The following ERC2 variants were observed in gnomAD, a reference collection of about 807,000 sequenced individuals.
ERC2 encodes ERC protein 2.
A neutral mutation model predicts 114.8 loss-of-function variants in ERC2; 42 were observed. The ratio of observed to expected loss-of-function variants is 0.37; its 90% confidence interval spans 0.29 to 0.47. The LOEUF (loss-of-function observed/expected upper bound fraction) is 0.47. Ranked by LOEUF, ERC2 falls within the 20% of genes least tolerant of loss-of-function variation. The pLI is 0.99. For missense variants in ERC2, 939 were observed against 1,150.7 expected, an observed-to-expected ratio of 0.82 and a Z score of 2.66; for synonymous variants, 454 against 425.5, an observed-to-expected ratio of 1.07 and a Z score of -0.82.
At chr3:55,936,990 C>T (rs947024051) in intron 13 of ERC2, among the ~76,000 whole-genome samples, 7 of 152,158 alleles carry the variant, frequency 4.6e-5, no homozygotes, top group African/African-American at 1.4e-4. Flanking sequence ...GTGACAGCAT[C>T]GGGAGTCAAC....
intron 9 of ERC2, 51 bp downstream of exon 9, chr3:56,010,398 T>C (rs1462498030): frequency 1.9e-6 from 3 of 1,585,424 alleles, no homozygotes; most frequent in Middle Eastern, 1.8e-4. Context: ...CTTCATTGAA[T>C]ATGGGTTTAT....
chr3:55,570,831 T>C (rs1336690685), intron 17 of ERC2, among the ~76,000 whole-genome samples: 1 of 152,036 alleles, frequency 6.6e-6, no homozygotes, highest in Non-Finnish European at 1.5e-5. Flanking sequence ...TGACCAGCAT[T>C]AATAATGAGA....
intron 7 of ERC2, among the ~76,000 whole-genome samples, chr3:56,032,065 C>T (rs1457299807): frequency 2.0e-5 from 3 of 152,146 alleles, no homozygotes; most frequent in African/African-American, 4.8e-5. Flanking sequence ...CCACCTCCCT[C>T]TTCTCTCTCA....
intron 17 of ERC2, among the ~76,000 whole-genome samples, chr3:55,566,117 G>GTA (rs1485200350): frequency 6.6e-6 from 1 of 152,094 alleles, no homozygotes; most frequent in Non-Finnish European, 1.5e-5. Flanking sequence ...ACTTCCTATG[G>GTA]TATATCAAGA....
intron 14 of ERC2, among the ~76,000 whole-genome samples, chr3:55,857,396 T>A (rs967173915): frequency 6.6e-6 from 1 of 151,960 alleles, no homozygotes; most frequent in African/African-American, 2.4e-5. Flanking sequence ...CCCTGTATCA[T>A]TTTTTTTAAT....
chr3:55,715,796 GCTTT>G (rs2064086454), intron 15 of ERC2, among the ~76,000 whole-genome samples: 2 of 152,194 alleles, frequency 1.3e-5, no homozygotes, highest in South Asian at 4.1e-4. Context: ...AGACTCTGAA[GCTTT>G]ATAGGACATT....
At chr3:56,424,686 T>C (rs1176925259) in intron 2 of ERC2, among the ~76,000 whole-genome samples, 2 of 152,216 alleles carry the variant, frequency 1.3e-5, no homozygotes, top group East Asian at 1.9e-4. Context: ...TCCATCTAAG[T>C]AGGTCATCAT....
chr3:56,033,094 G>A (rs1160375158), intron 7 of ERC2, among the ~76,000 whole-genome samples: 3 of 133,214 alleles, frequency 2.3e-5, no homozygotes, highest in African/African-American at 5.7e-5. Context: ...GAAAAGTAAA[G>A]TAAAGTAAAA....
intron 17 of ERC2, among the ~76,000 whole-genome samples, chr3:55,653,275 T>A (rs2060715578): frequency 6.6e-6 from 1 of 152,172 alleles, no homozygotes; most frequent in African/African-American, 2.4e-5. Context: ...TTTTCATGAA[T>A]TTTTCCATAG....
intron 2 of ERC2, among the ~76,000 whole-genome samples, chr3:56,312,165 G>T (rs1395264883): frequency 6.6e-6 from 1 of 152,156 alleles, no homozygotes; most frequent in Non-Finnish European, 1.5e-5. Flanking sequence ...GTCCCCCACA[G>T]ATACCAAGAA....
intron 3 of ERC2, among the ~76,000 whole-genome samples, chr3:56,251,180 C>T (rs549007230): frequency 1.3e-5 from 2 of 152,274 alleles, no homozygotes; most frequent in African/African-American, 4.8e-5. Context: ...CAGAAAGTTC[C>T]CAACAGCCTC....
intron 5 of ERC2, among the ~76,000 whole-genome samples, chr3:56,145,057 G>A (rs898776827): frequency 4.6e-5 from 7 of 152,118 alleles, no homozygotes; most frequent in African/African-American, 7.2e-5. Context: ...ACTTCATCCC[G>A]TCTGAAAATT....
At chr3:55,551,129 T>C (rs1396211834) in intron 17 of ERC2, among the ~76,000 whole-genome samples, 1 of 151,760 alleles carries the variant, frequency 6.6e-6, no homozygotes, top group Non-Finnish European at 1.5e-5. Flanking sequence ...TGTATAGATA[T>C]ACACACACAT....
chr3:56,323,618 G>C (rs1193825039), intron 2 of ERC2, among the ~76,000 whole-genome samples: 1 of 152,112 alleles, frequency 6.6e-6, no homozygotes, highest in African/African-American at 2.4e-5. Context: ...CAAGTTTGGG[G>C]CTGATTATTA....
intron 14 of ERC2, among the ~76,000 whole-genome samples, chr3:55,809,234 T>C (rs2059622402): frequency 6.6e-6 from 1 of 152,182 alleles, no homozygotes; most frequent in African/African-American, 2.4e-5. Flanking sequence ...ATGTGGTGTT[T>C]TGTGGCATGC....
chr3:55,906,620 CTGATGCA>C (rs2064468779), intron 13 of ERC2, among the ~76,000 whole-genome samples: 1 of 152,266 alleles, frequency 6.6e-6, no homozygotes, highest in South Asian at 2.1e-4. Context: ...GATTCTGATT[CTGATGCA>C]TGTTCAAGTT....
intron 5 of ERC2, among the ~76,000 whole-genome samples, chr3:56,145,698 C>A (rs751582148): frequency 3.3e-5 from 5 of 152,170 alleles, no homozygotes; most frequent in Non-Finnish European, 5.9e-5. Flanking sequence ...TGCCTTTGCA[C>A]AAGCTGAGTT....
At chr3:55,929,990 GC>G (rs2065978195) in intron 13 of ERC2, among the ~76,000 whole-genome samples, 1 of 152,140 alleles carries the variant, frequency 6.6e-6, no homozygotes, top group African/African-American at 2.4e-5. Context: ...CTGTAATCCA[GC>G]ACTTTGGAAG....
At chr3:56,047,244 C>T (rs1255118575) in intron 7 of ERC2, among the ~76,000 whole-genome samples, 1 of 152,204 alleles carries the variant, frequency 6.6e-6, no homozygotes, top group Non-Finnish European at 1.5e-5. Flanking sequence ...ATCAATGTTT[C>T]GGGATGGCCA....
Sources: allele counts gnomAD v4.1 joint callset (sites outside exome capture counted in the v4.1 genomes callset), GRCh38; gene constraint gnomAD v4.1.1; transcripts MANE v1.5; gene names NCBI Gene and HGNC (gene_info 2026-07-23, HGNC 2026-07-21).